HDAC2: variants seen among roughly 807,000 people sequenced by gnomAD.
HDAC2 encodes YY1-associated factor 1.
HDAC2 carries 5 observed loss-of-function variants against 68.5 expected under a neutral mutation model. The ratio of observed to expected loss-of-function variants is 0.07; its 90% CI spans 0.04 to 0.15. The LOEUF is 0.15. HDAC2 is among the 10% of genes least tolerant of loss of function. HDAC2 has a pLI of 1.00. For synonymous variants in HDAC2, 182 were observed against 191.3 expected, an observed-to-expected ratio of 0.95 and a Z score of 0.40; for missense variants, 291 against 600.8, an observed-to-expected ratio of 0.48 and a Z score of 5.39.
In HDAC2 at chr6:113,970,938, T is replaced by TCCG; in HGVS notation, c.-31_-30insCGG. ...TCCCCGGCCACCGCCGCCACCGGGC[T>TCCG]CCTCCTCCTGCTGCTGCTGCTGCTG... On this transcript the variant is annotated 5_prime_UTR_variant, in exon 1 of 14. Coordinates refer to ENST00000519065, the MANE Select transcript of HDAC2 (RefSeq NM_001527.4). 6.4e-7 allele frequency: 1 copy of TCCG among 1,553,198 alleles called. No homozygotes were observed. Among genetic ancestry groups the TCCG allele is most frequent in the African/African-American group, 1.4e-5 (1 of 73,256 alleles).
At position 113,934,228 on chromosome 6, in the gene HDAC2, G is replaced by A. The variant is rs1412008303; in HGVS notation, c.*6830C>T. On this transcript the variant is annotated 3_prime_UTR_variant, in exon 14 of 14. Coordinates refer to ENST00000519065, the MANE Select transcript of HDAC2 (RefSeq NM_001527.4). ...TTTTATCCTGAATGCCAACTATCTGGGTTAATGACTATCTGGGTTGATACG... is the reference window on the plus strand; with the variant it reads ...TTTTATCCTGAATGCCAACTATCTGAGTTAATGACTATCTGGGTTGATACG... 3 of 152,128 alleles carry A rather than the reference G, an allele frequency of 2.0e-5. No individual in the cohort carries two copies. In the East Asian group the frequency reaches 5.8e-4, roughly 29 times the overall value. 9.4% of individuals were successfully genotyped at this position (152,128 alleles called of 1,614,324 possible).
rs572632992 is a variant in HDAC2 at position 113,939,034 on chromosome 6, T to A, written c.*2024A>T. 4 of 152,300 alleles carry A rather than the reference T, an allele frequency of 2.6e-5. No homozygotes were observed. In the East Asian group the frequency reaches 7.7e-4, roughly 29 times the overall value. The allele number at this position is 152,300 out of a possible 1,614,324, so 9.4% of individuals were successfully genotyped here. A position where few individuals can be genotyped will look rare whatever the true frequency, so the allele number is the denominator to read the frequency against. The stretch of plus-strand genomic sequence containing the variant: ...GTCAAAATGAACTATACTTAACATG[T>A]GTCAACAGGGGTAGATCAGAATATT... On this transcript the variant is annotated 3_prime_UTR_variant, in exon 14 of 14. Coordinates refer to ENST00000519065, the MANE Select transcript of HDAC2 (RefSeq NM_001527.4).
In HDAC2 at chr6:113,937,593, C is replaced by T. The variant is rs1469273927; in HGVS notation, c.*3465G>A. 3 of 152,170 alleles carry T rather than the reference C, an allele frequency of 2.0e-5. No homozygotes were observed. Among genetic ancestry groups the T allele is most frequent in the African/African-American group, 7.2e-5 (3 of 41,412 alleles). 9.4% of individuals were successfully genotyped at this position (152,170 alleles called of 1,614,324 possible). Reference sequence around the variant, plus strand: ...AGTCTGTAACATGATAGGTTTAGGCCGGGTACGGTGGCTCATGCCTGAGTC... The same window carrying T: ...AGTCTGTAACATGATAGGTTTAGGCTGGGTACGGTGGCTCATGCCTGAGTC... On this transcript the variant is annotated 3_prime_UTR_variant, in exon 14 of 14. Coordinates refer to ENST00000519065, the MANE Select transcript of HDAC2 (RefSeq NM_001527.4).
intron 1 of HDAC2, among the ~76,000 whole-genome samples, chr6:113,965,993 G>T (rs534606213): frequency 1.3e-5 from 2 of 150,252 alleles, no homozygotes; most frequent in Non-Finnish European, 3.0e-5. Context: ...TTTTGTTAAG[G>T]AGTTTTGTTT....
intron 10 of HDAC2, among the ~76,000 whole-genome samples, 169 bp from the exon 11 acceptor site, chr6:113,944,579 A>G (rs1776225444): frequency 1.3e-5 from 2 of 152,160 alleles, no homozygotes; most frequent in South Asian, 4.1e-4. Flanking sequence ...ATCATAGCTC[A>G]CTGCAGCCTC....
intron 6 of HDAC2, among the ~76,000 whole-genome samples, chr6:113,949,627 C>T (rs1191655992): frequency 6.6e-6 from 1 of 152,098 alleles, no homozygotes; most frequent in Non-Finnish European, 1.5e-5. Context: ...ATGAGTAAAC[C>T]TGTGGAAAAT....
Position 113,938,453 on chromosome 6 carries a change from T to C in HDAC2, c.*2605A>G, listed in dbSNP as rs1051785385. The C allele has an allele frequency of 6.6e-6, 1 of 152,166 alleles. No individual in the cohort carries two copies. The highest frequency in any genetic ancestry group is 2.4e-5 in the African/African-American group (1 of 41,450). 9.4% of individuals were successfully genotyped at this position (152,166 alleles called of 1,614,324 possible). Reference sequence around the variant, plus strand: ...TTTTTGTTATCAAATATATCTTTTATAGTTGAGTTTGGTGTCACACTTAGG... The same window carrying C: ...TTTTTGTTATCAAATATATCTTTTACAGTTGAGTTTGGTGTCACACTTAGG... On this transcript the variant is annotated 3_prime_UTR_variant, in exon 14 of 14. Transcript: ENST00000519065.
intron 5 of HDAC2, among the ~76,000 whole-genome samples, 179 bp from the exon 6 acceptor site, chr6:113,953,597 C>T (rs1283354925): frequency 6.6e-6 from 1 of 152,178 alleles, no homozygotes; most frequent in African/African-American, 2.4e-5. Context: ...CCTTTAAATA[C>T]CCACTTGTGG....
At chr6:113,965,818 C>T (rs1280681713) in intron 1 of HDAC2, among the ~76,000 whole-genome samples, 1 of 152,180 alleles carries the variant, frequency 6.6e-6, no homozygotes, top group Non-Finnish European at 1.5e-5. Context: ...AATAAGCAGA[C>T]TGCTACTGAA....
intron 13 of HDAC2, 36 bp from the exon 14 acceptor site, chr6:113,941,124 C>T (rs1241736216): frequency 1.3e-6 from 2 of 1,579,922 alleles, no homozygotes; most frequent in Non-Finnish European, 1.7e-6. Context: ...TTAAAAATGG[C>T]ACAATCTTGG....
At chr6:113,953,241 T>A in intron 6 of HDAC2, 36 bp downstream of exon 6, 1 of 1,527,028 alleles carries the variant, frequency 6.5e-7, no homozygotes, top group Middle Eastern at 1.7e-4. Context: ...CCTAGGTTCA[T>A]CTCACAATAT....
At position 113,971,031 on chromosome 6, in the gene HDAC2, G is replaced by A; in HGVS notation, c.-123C>T. The A allele has an allele frequency of 1.3e-6, 2 of 1,573,994 alleles. No individual in the cohort carries two copies. The highest frequency in any genetic ancestry group is 2.7e-5 in the African/African-American group (2 of 74,356). ...GAAACGTGGGGGCGATAGTCCCGCG[G>A]GGAAGGGCAGGCCGGTGGGAGGAGA... On this transcript the variant is annotated 5_prime_UTR_variant, in exon 1 of 14. Coordinates refer to ENST00000519065, the MANE Select transcript of HDAC2 (RefSeq NM_001527.4).
At chr6:113,959,457 ATGCT>A (rs1776628852) in intron 2 of HDAC2, among the ~76,000 whole-genome samples, 1 of 151,984 alleles carries the variant, frequency 6.6e-6, no homozygotes, top group Non-Finnish European at 1.5e-5. Context: ...TATCTGTACT[ATGCT>A]TGGCCACACT....
intron 10 of HDAC2, among the ~76,000 whole-genome samples, chr6:113,945,032 A>C (rs1776236006): frequency 6.6e-6 from 1 of 152,116 alleles, no homozygotes; most frequent in East Asian, 1.9e-4. Context: ...TAATAAAAAA[A>C]ATTATTTCCA....
chr6:113,933,463 C>T lies in HDAC2; in HGVS notation c.*7595G>A, dbSNP rs1453683610. The stretch of plus-strand genomic sequence containing the variant: ...CCTGAGATTCGATCCTATCCCATCC[C>T]ATCTTATCCCATCTCCTTCTGTCCT... On this transcript the variant is annotated 3_prime_UTR_variant, in exon 14 of 14. Coordinates refer to ENST00000519065, the MANE Select transcript of HDAC2 (RefSeq NM_001527.4). The T allele has an allele frequency of 1.3e-5, 2 of 152,132 alleles. No homozygotes were observed. Among genetic ancestry groups the T allele is most frequent in the African/African-American group, 4.8e-5 (2 of 41,390 alleles). 9.4% of individuals were successfully genotyped at this position (152,132 alleles called of 1,614,324 possible). A position where few individuals can be genotyped will look rare whatever the true frequency, so the allele number is the denominator to read the frequency against.
rs770857595 is a variant in HDAC2, at chr6:113,946,001, C to G, written c.982+7G>C. The G allele has an allele frequency of 1.9e-6, 3 of 1,606,384 alleles. No homozygotes were observed. In the East Asian group the frequency reaches 6.7e-5, roughly 36 times the overall value. On this transcript the variant is annotated splice_region_variant and intron_variant, in intron 9 of 13. Coordinates refer to ENST00000519065, the MANE Select transcript of HDAC2 (RefSeq NM_001527.4). ...TACAATAAAGATATTGTAATGAGAACACTTACCATTGGGAATCTCACAATC... is the reference window on the plus strand; with the variant it reads ...TACAATAAAGATATTGTAATGAGAAGACTTACCATTGGGAATCTCACAATC...
chr6:113,961,585 A>G (rs1260658225), intron 1 of HDAC2, among the ~76,000 whole-genome samples: 1 of 152,188 alleles, frequency 6.6e-6, no homozygotes, highest in African/African-American at 2.4e-5. Flanking sequence ...ATGATTGCAG[A>G]AAATAAACTA....
At chr6:113,960,159 G>T in intron 1 of HDAC2, 141 bp from the exon 2 acceptor site, 1 of 639,006 alleles carries the variant, frequency 1.6e-6, no homozygotes, top group Non-Finnish European at 2.8e-6. Context: ...GATTTATTTT[G>T]CAACTTTCAA....
At chr6:113,942,524 A>T (rs1029608352) in intron 12 of HDAC2, among the ~76,000 whole-genome samples, 1 of 152,054 alleles carries the variant, frequency 6.6e-6, no homozygotes, top group South Asian at 2.1e-4. Context: ...AGTTTTTCAC[A>T]TACTACAGGA....
Sources: allele counts gnomAD v4.1 joint callset (sites outside exome capture counted in the v4.1 genomes callset), GRCh38; gene constraint gnomAD v4.1.1; transcripts MANE v1.5; gene names NCBI Gene and HGNC (gene_info 2026-07-23, HGNC 2026-07-21).